The following F13A1 variants were observed in gnomAD, a reference collection of about 807,000 sequenced individuals.
F13A1 encodes coagulation factor XIII A chain.
A neutral mutation model predicts 80.1 loss-of-function variants in F13A1; 47 were observed. The ratio of observed to expected loss-of-function variants is 0.59; its 90% CI spans 0.46 to 0.75. The LOEUF (loss-of-function observed/expected upper bound fraction) is 0.75, where lower values mean the gene tolerates loss of function less well. F13A1 is among the 30% of genes least tolerant of loss of function. The pLI is 0.00. For synonymous variants in F13A1, 349 were observed against 344.9 expected (o/e 1.01, Z -0.13); for missense variants, 817 against 930.4 (o/e 0.88, Z 1.59).
At chr6:6,208,396 T>A (rs967955869) in intron 8 of F13A1, among the ~76,000 whole-genome samples, 2 of 152,064 alleles carry the variant, frequency 1.3e-5, no homozygotes, top group Admixed American at 1.3e-4. Flanking sequence ...ACAGGTGAGA[T>A]GTTACTTATG....
chr6:6,260,511 G>C (rs909623690), intron 4 of F13A1, among the ~76,000 whole-genome samples: 1 of 152,176 alleles, frequency 6.6e-6, no homozygotes, highest in Non-Finnish European at 1.5e-5. Flanking sequence ...CCATAGCGCT[G>C]AATCCTTTGT....
At chr6:6,286,098 C>T (rs1270417825) in intron 3 of F13A1, among the ~76,000 whole-genome samples, 2 of 152,260 alleles carry the variant, frequency 1.3e-5, no homozygotes, top group African/African-American at 4.8e-5. Flanking sequence ...AGTATGCCAA[C>T]AGGTAAAACC....
intron 8 of F13A1, among the ~76,000 whole-genome samples, chr6:6,210,324 G>GATATATATATATATATATATAT (rs34960466): frequency 0.055 from 4,498 of 81,548 alleles, 402 homozygotes; most frequent in Non-Finnish European, 0.061. Flanking sequence ...TGTAGCATGT[G>GATATATATATATATATATATAT]ATATATATAT....
chr6:6,194,971 G>A (rs949328972), intron 10 of F13A1, among the ~76,000 whole-genome samples: 11 of 152,212 alleles, frequency 7.2e-5, no homozygotes, highest in South Asian at 2.1e-4. Flanking sequence ...AGGTTGCTAA[G>A]AGCATCCAAT....
intron 8 of F13A1, among the ~76,000 whole-genome samples, chr6:6,199,941 C>A (rs915262779): frequency 6.6e-6 from 1 of 152,054 alleles, no homozygotes; most frequent in African/African-American, 2.4e-5. Flanking sequence ...GTGAGGGACT[C>A]GGATGAGTTG....
intron 3 of F13A1, among the ~76,000 whole-genome samples, chr6:6,292,943 A>G (rs894252819): frequency 7.2e-5 from 11 of 152,238 alleles, no homozygotes; most frequent in Admixed American, 7.2e-4. Context: ...AGCTAAGGGT[A>G]GCAAATGAAA....
chr6:6,172,855 T>C (rs560284383), intron 12 of F13A1, among the ~76,000 whole-genome samples: 1 of 152,274 alleles, frequency 6.6e-6, no homozygotes, highest in Non-Finnish European at 1.5e-5. Context: ...AAATAGTTTC[T>C]CATTTTTCTG....
intron 11 of F13A1, among the ~76,000 whole-genome samples, chr6:6,177,815 A>G (rs989451983): frequency 3.9e-5 from 6 of 152,144 alleles, no homozygotes; most frequent in Non-Finnish European, 8.8e-5. Flanking sequence ...CCTGCAGTGC[A>G]TGGGGAAAGG....
chr6:6,278,313 G>A (rs1200588691), intron 3 of F13A1, among the ~76,000 whole-genome samples: 2 of 152,200 alleles, frequency 1.3e-5, no homozygotes, highest in Admixed American at 1.3e-4. Context: ...AGCTTAAGAG[G>A]ACAGAGAGGG....
intron 10 of F13A1, among the ~76,000 whole-genome samples, chr6:6,194,176 G>A (rs574034783): frequency 3.3e-5 from 5 of 152,080 alleles, no homozygotes; most frequent in East Asian, 1.9e-4. Flanking sequence ...CCTCCAATCC[G>A]TGTTCCACAA....
chr6:6,246,127 T>C (rs1430963195), intron 6 of F13A1, among the ~76,000 whole-genome samples: 1 of 152,342 alleles, frequency 6.6e-6, no homozygotes, highest in East Asian at 1.9e-4. Flanking sequence ...AAATCATTCA[T>C]TGAGAAATTT....
intron 3 of F13A1, among the ~76,000 whole-genome samples, chr6:6,272,012 G>T (rs1056697879): frequency 6.6e-6 from 1 of 152,140 alleles, no homozygotes; most frequent in Non-Finnish European, 1.5e-5. Context: ...ACAGTTTCTT[G>T]ATATTAGTAT....
intron 6 of F13A1, among the ~76,000 whole-genome samples, chr6:6,246,047 C>T (rs956756511): frequency 6.6e-6 from 1 of 152,224 alleles, no homozygotes; most frequent in Non-Finnish European, 1.5e-5. Context: ...AGGGTTCTGG[C>T]TAAGAGTCCA....
At chr6:6,301,556 A>T (rs537687119) in intron 3 of F13A1, among the ~76,000 whole-genome samples, 42 of 152,346 alleles carry the variant, frequency 2.8e-4, no homozygotes, top group African/African-American at 9.9e-4. Flanking sequence ...ATGTTGGTTT[A>T]AAAATATACA....
At chr6:6,202,103 A>G (rs1761406321) in intron 8 of F13A1, among the ~76,000 whole-genome samples, 1 of 150,958 alleles carries the variant, frequency 6.6e-6, no homozygotes, top group African/African-American at 2.5e-5. Flanking sequence ...TGGTGCAAAC[A>G]TTTGAAATTT....
intron 3 of F13A1, among the ~76,000 whole-genome samples, chr6:6,292,886 C>T (rs575095200): frequency 6.6e-6 from 1 of 152,192 alleles, no homozygotes. Context: ...CCATCCCTCT[C>T]CTCTGAAGAG....
intron 12 of F13A1, among the ~76,000 whole-genome samples, 178 bp downstream of exon 12, chr6:6,174,402 T>TAAA (rs778778043): frequency 7.0e-6 from 1 of 142,414 alleles, no homozygotes; most frequent in Non-Finnish European, 1.5e-5. Context: ...AAAATAAAAA[T>TAAA]AAAAAAAAAG....
chr6:6,256,400 T>C (rs547015791), intron 4 of F13A1, among the ~76,000 whole-genome samples: 43 of 152,276 alleles, frequency 2.8e-4, no homozygotes, highest in African/African-American at 1.0e-3. Context: ...GATAAAACTC[T>C]GAGAAAAACA....
At chr6:6,224,934 A>C in intron 6 of F13A1, 74 bp from the exon 7 acceptor site, 1 of 1,508,026 alleles carries the variant, frequency 6.6e-7, no homozygotes, top group Non-Finnish European at 9.2e-7. Flanking sequence ...TGCATGGCGC[A>C]AGCTATGGCT....
Sources: gnomAD v4.1 joint callset for allele counts (sites outside exome capture counted in the v4.1 genomes callset) on GRCh38, gnomAD v4.1.1 for gene constraint, MANE v1.5 for transcripts, NCBI Gene and HGNC (gene_info 2026-07-23, HGNC 2026-07-21) for gene names.